Variants in DENND1A observed in about 807,000 individuals in gnomAD.
DENND1A encodes the protein DENN domain containing 1A.
Under a neutral mutation model 113.7 loss-of-function variants are expected in DENND1A, and 51 were observed. That is an observed-to-expected ratio of 0.45 (90% CI 0.36 to 0.57). The LOEUF is 0.57. DENND1A is among the 20% of genes least tolerant of loss of function. The pLI is 0.00. For missense variants in DENND1A, 1,258 were observed against 1,395.9 expected (o/e 0.90, Z 1.57); for synonymous variants, 565 against 570.8 (o/e 0.99, Z 0.14).
Position 123,525,446 on chromosome 9 carries a change from C to G in DENND1A, c.993+32124G>C, listed in dbSNP as rs376371909. ...CATCAAAACTCCAAGAGAGAAGACA[C>G]TGTTTGAGTTAGCCTCAATCACCTG... On this transcript the variant is annotated intron_variant, in intron 13 of 23. Coordinates refer to ENST00000394215, the MANE Select transcript of DENND1A (RefSeq NM_001352964.2). Among the ~76,000 whole-genome samples the G allele has an allele frequency of 2.6e-5, 4 of 152,212 alleles. No individual in the cohort carries two copies. The East Asian group carries it at 5.8e-4, about 22-fold the overall frequency.
intron 5 of DENND1A, among the ~76,000 whole-genome samples, chr9:123,714,120 G>A (rs918938234): frequency 3.9e-5 from 6 of 152,330 alleles, no homozygotes; most frequent in African/African-American, 7.2e-5. Flanking sequence ...TTTTATGCTC[G>A]AGAAAGGATC....
intron 13 of DENND1A, among the ~76,000 whole-genome samples, chr9:123,543,905 A>AGT (rs10580327): frequency 6.6e-6 from 1 of 151,614 alleles, no homozygotes; most frequent in Admixed American, 6.6e-5. Context: ...CTTATTTGTC[A>AGT]GTGTGTGTGC....
intron 5 of DENND1A, among the ~76,000 whole-genome samples, chr9:123,735,685 C>T (rs1309908861): frequency 6.6e-6 from 1 of 152,266 alleles, no homozygotes; most frequent in East Asian, 1.9e-4. Context: ...CCCAAAACAA[C>T]AGTCACCTTT....
chr9:123,391,860 C>G (rs1229548795), intron 21 of DENND1A, among the ~76,000 whole-genome samples: 1 of 151,368 alleles, frequency 6.6e-6, no homozygotes. Context: ...TTATTACACA[C>G]AAAGAGCTGT....
chr9:123,497,606 G>A (rs1361037967), intron 13 of DENND1A, among the ~76,000 whole-genome samples: 2 of 152,152 alleles, frequency 1.3e-5, no homozygotes, highest in Non-Finnish European at 2.9e-5. Context: ...AGAAGGGCAT[G>A]AGTCACTGTG....
chr9:123,747,084 G>A (rs2069577587), intron 5 of DENND1A, among the ~76,000 whole-genome samples: 1 of 151,362 alleles, frequency 6.6e-6, no homozygotes, highest in African/African-American at 2.4e-5. Flanking sequence ...TTTCTGATGG[G>A]ACCAGAATTT....
intron 3 of DENND1A, among the ~76,000 whole-genome samples, chr9:123,775,646 A>G (rs1278595211): frequency 6.6e-6 from 1 of 152,226 alleles, no homozygotes; most frequent in Non-Finnish European, 1.5e-5. Context: ...TTCTGCTCAC[A>G]TTAGTCTAGA....
intron 22 of DENND1A, among the ~76,000 whole-genome samples, chr9:123,384,927 G>A (rs998583706): frequency 2.0e-5 from 3 of 152,076 alleles, no homozygotes; most frequent in Non-Finnish European, 4.4e-5. Context: ...CAGCCTAGGC[G>A]ACAGAGCGAG....
chr9:123,922,051 G>A (rs1856362364), intron 1 of DENND1A, among the ~76,000 whole-genome samples: 1 of 151,800 alleles, frequency 6.6e-6, no homozygotes, highest in Non-Finnish European at 1.5e-5. Context: ...TCCCACCTCA[G>A]CCTCCCAAGT....
chr9:123,742,063 A>G (rs2069075263), intron 5 of DENND1A, among the ~76,000 whole-genome samples: 1 of 152,228 alleles, frequency 6.6e-6, no homozygotes, highest in Non-Finnish European at 1.5e-5. Context: ...TCCTCTGCAC[A>G]TACATAAACA....
At chr9:123,757,976 T>TAA (rs557446216) in intron 4 of DENND1A, among the ~76,000 whole-genome samples, 154 bp from the exon 5 acceptor site, 2,128 of 123,012 alleles carry the variant, frequency 0.017, 59 homozygotes, top group African/African-American at 0.054. Flanking sequence ...GTAAGCTAGT[T>TAA]AAAAAAAAAA....
At chr9:123,435,163 T>C (rs938775010) in intron 19 of DENND1A, among the ~76,000 whole-genome samples, 1 of 151,334 alleles carries the variant, frequency 6.6e-6, no homozygotes, top group Non-Finnish European at 1.5e-5. Flanking sequence ...CTGCTGGAGG[T>C]GGTGAGGAGG....
chr9:123,580,764 C>T (rs1291655361), intron 12 of DENND1A, among the ~76,000 whole-genome samples: 2 of 152,202 alleles, frequency 1.3e-5, no homozygotes, highest in Non-Finnish European at 2.9e-5. Flanking sequence ...AGGTACCAAC[C>T]ATGTACTACC....
chr9:123,600,569 T>A (rs1432432425), intron 11 of DENND1A, among the ~76,000 whole-genome samples: 3 of 152,180 alleles, frequency 2.0e-5, no homozygotes, highest in African/African-American at 7.2e-5. Flanking sequence ...CAGGAATCTT[T>A]TAAGAGGATA....
intron 19 of DENND1A, among the ~76,000 whole-genome samples, chr9:123,412,397 C>G (rs1009797096): frequency 2.0e-5 from 3 of 152,208 alleles, no homozygotes; most frequent in African/African-American, 7.2e-5. Context: ...TCTGTCGGCT[C>G]GGATGCTGCC....
intron 9 of DENND1A, 54 bp downstream of exon 9, chr9:123,651,959 T>G: frequency 6.7e-7 from 1 of 1,502,920 alleles, no homozygotes; most frequent in Non-Finnish European, 9.1e-7. Flanking sequence ...TGCTGGTGTA[T>G]CTTTCAATTA....
At chr9:123,413,338 A>G in intron 19 of DENND1A, 1 of 852,886 alleles carries the variant, frequency 1.2e-6, no homozygotes, top group Non-Finnish European at 1.4e-6. Flanking sequence ...ATTAAAATCA[A>G]TTTCACCTGT....
At position 123,804,110 on chromosome 9, in the gene DENND1A, T is replaced by C. The variant is rs112501936; in HGVS notation, c.89-11480A>G. ...AGGAACCCGTGGAAGGTGATTGAAT[T>C]ATAAGGGTGGGTCTTTCCTGCAATG... On this transcript the variant is annotated intron_variant, in intron 2 of 23. Coordinates refer to ENST00000394215, the MANE Select transcript of DENND1A (RefSeq NM_001352964.2). 2.0e-5 allele frequency among the ~76,000 whole-genome samples: 3 copies of C among 152,328 alleles called. 1 individual carries two copies. Among genetic ancestry groups the C allele is most frequent in the African/African-American group, 7.2e-5 (3 of 41,572 alleles).
intron 5 of DENND1A, among the ~76,000 whole-genome samples, chr9:123,690,052 AGGAGGGAG>A (rs1299187082): frequency 5.8e-5 from 6 of 103,786 alleles, no homozygotes; most frequent in Non-Finnish European, 9.6e-5. Context: ...GAAGAAGGAA[AGGAGGGAG>A]GGAGGGAGGG....
Sources: gnomAD v4.1 joint callset for allele counts (sites outside exome capture counted in the v4.1 genomes callset) on GRCh38, gnomAD v4.1.1 for gene constraint, MANE v1.5 for transcripts, NCBI Gene and HGNC (gene_info 2026-07-23, HGNC 2026-07-21) for gene names.